CFAP47: variants seen among roughly 807,000 people sequenced by gnomAD.
CFAP47 encodes cilia and flagella associated protein 47.
In CFAP47, 29 loss-of-function variants were observed where a neutral mutation model predicts 148.1. The observed-to-expected ratio is 0.20, with a 90% CI of 0.15 to 0.27. The LOEUF (loss-of-function observed/expected upper bound fraction) is 0.27, where lower values mean the gene tolerates loss of function less well. Among genes scored for constraint, CFAP47 ranks in the 10% least tolerant of loss-of-function variants. The pLI is 1.00. For synonymous variants in CFAP47, 664 were observed against 577.3 expected (o/e 1.15, Z -2.15); for missense variants, 1,872 against 1,697.5 (o/e 1.10, Z -1.81).
chrX:36,104,726 G>T (rs774324869), intron 33 of CFAP47, 35 bp downstream of exon 33: 6 of 502,950 alleles, frequency 1.2e-5, no homozygotes, highest in Non-Finnish European at 2.0e-5. Context: ...ACAAATTATT[G>T]CAAATTGTAG....
chrX:36,355,982 T>A (rs1941782469), intron 60 of CFAP47, among the ~76,000 whole-genome samples: 1 of 111,715 alleles, frequency 9.0e-6, no homozygotes, highest in Non-Finnish European at 1.9e-5. Flanking sequence ...CTAAAGAAAT[T>A]GCAATTCTGA....
intron 40 of CFAP47, among the ~76,000 whole-genome samples, chrX:36,187,238 A>G (rs1275462541): frequency 1.8e-5 from 2 of 112,152 alleles, no homozygotes; most frequent in African/African-American, 6.5e-5. Flanking sequence ...TTAAACAGTC[A>G]ATGAATTGTT....
At chrX:36,144,303 G>A (rs752459605) in intron 35 of CFAP47, among the ~76,000 whole-genome samples, 1 of 111,332 alleles carries the variant, frequency 9.0e-6, no homozygotes, top group South Asian at 3.8e-4. Flanking sequence ...CTAGATCAGT[G>A]TTCTACTTAG....
At chrX:35,924,594 C>G (rs186367247) in intron 1 of CFAP47, among the ~76,000 whole-genome samples, 1 of 106,608 alleles carries the variant, frequency 9.4e-6, no homozygotes, top group African/African-American at 3.4e-5. Context: ...TATATACACA[C>G]GTGCATGTGG....
intron 2 of CFAP47, among the ~76,000 whole-genome samples, chrX:35,939,569 T>G (rs1411017784): frequency 1.2e-4 from 11 of 90,807 alleles, no homozygotes; most frequent in African/African-American, 4.4e-4. Context: ...CTTGCGATAG[T>G]TTACTGAGAA....
chrX:36,225,992 C>T (rs1459856833), intron 45 of CFAP47, among the ~76,000 whole-genome samples: 1 of 111,922 alleles, frequency 8.9e-6, no homozygotes, highest in Non-Finnish European at 1.9e-5. Flanking sequence ...AATTGGGACT[C>T]AGTCCCACTG....
intron 3 of CFAP47, 67 bp from the exon 4 acceptor site, chrX:35,948,247 C>T (rs1249300045): frequency 2.0e-6 from 2 of 998,928 alleles, no homozygotes; most frequent in African/African-American, 3.8e-5. Context: ...TGTTGGTCCC[C>T]TACTGAGAGT....
Position 36,063,044 on chromosome X carries a change from C to A in CFAP47, c.4218-2599C>A, listed in dbSNP as rs181462246. Among the ~76,000 whole-genome samples the A allele has an allele frequency of 4.1e-3, 459 of 111,628 alleles. 3 individuals carry two copies. The highest frequency in any genetic ancestry group is 0.013 in the African/African-American group (397 of 30,798). On this transcript the variant is annotated intron_variant, in intron 26 of 63. Transcript: ENST00000378653. Reference sequence around the variant, plus strand: ...ATCGTATCTTTGACCCTCTTATTGCCAGGAATATTCATTCTGATTTTTACC... The same window carrying A: ...ATCGTATCTTTGACCCTCTTATTGCAAGGAATATTCATTCTGATTTTTACC...
intron 48 of CFAP47, among the ~76,000 whole-genome samples, chrX:36,239,904 A>G (rs1442038049): frequency 1.8e-5 from 2 of 111,972 alleles, no homozygotes; most frequent in Non-Finnish European, 3.8e-5. Context: ...CTTAAAGTAT[A>G]CAACAACACA....
At chrX:35,949,871 G>A (rs913608632) in intron 4 of CFAP47, among the ~76,000 whole-genome samples, 6 of 111,813 alleles carry the variant, frequency 5.4e-5, no homozygotes, top group African/African-American at 2.0e-4. Context: ...CAAAAAGTTT[G>A]GGATTTTGGA....
At chrX:35,997,569 A>C (rs945815193) in intron 19 of CFAP47, among the ~76,000 whole-genome samples, 180 bp downstream of exon 19, 1 of 111,706 alleles carries the variant, frequency 9.0e-6, no homozygotes, top group Admixed American at 9.5e-5. Flanking sequence ...GTAAGTGTTG[A>C]AACAGAATAT....
chrX:35,998,067 A>G (rs1340000314), intron 19 of CFAP47, among the ~76,000 whole-genome samples: 1 of 111,312 alleles, frequency 9.0e-6, no homozygotes. Context: ...GAGTGTGTTT[A>G]ACTTCACAAG....
At chrX:36,069,263 A>G (rs1014716441) in intron 27 of CFAP47, among the ~76,000 whole-genome samples, 1 of 111,454 alleles carries the variant, frequency 9.0e-6, no homozygotes, top group African/African-American at 3.3e-5. Context: ...GAGGACCCAT[A>G]GACTGCAAAT....
chrX:36,098,979 G>A, intron 31 of CFAP47, 105 bp downstream of exon 31: 1 of 341,569 alleles, frequency 2.9e-6, no homozygotes, highest in Non-Finnish European at 5.1e-6. Context: ...AGTTTTATAT[G>A]CAAAATATTA....
In CFAP47 at chrX:36,002,049, A is replaced by G. The variant is rs769272777; in HGVS notation, c.3417+342A>G. 3.6e-5 allele frequency among the ~76,000 whole-genome samples: 4 copies of G among 111,807 alleles called. No homozygotes were observed. The South Asian group carries it at 1.5e-3, about 42-fold the overall frequency. On this transcript the variant is annotated intron_variant, in intron 21 of 63. Transcript: ENST00000378653. ...TATTTGAGTGGTGTATGCTCTGTGA[A>G]CCACTACCTGAAATTGTCAAAGACA...
At chrX:35,925,653 GTTAT>G (rs1051949739) in intron 1 of CFAP47, among the ~76,000 whole-genome samples, 9 of 111,769 alleles carry the variant, frequency 8.1e-5, no homozygotes, top group East Asian at 2.8e-4. Flanking sequence ...AGTTGCTAAC[GTTAT>G]TTATTTATTT....
intron 39 of CFAP47, among the ~76,000 whole-genome samples, chrX:36,177,143 G>A (rs897176526): frequency 5.4e-5 from 6 of 111,663 alleles, no homozygotes; most frequent in African/African-American, 1.9e-4. Context: ...CTTTTAACAG[G>A]TAGTTCATAT....
intron 2 of CFAP47, among the ~76,000 whole-genome samples, chrX:35,938,028 C>G (rs1481872673): frequency 9.0e-6 from 1 of 111,156 alleles, no homozygotes; most frequent in Non-Finnish European, 1.9e-5. Flanking sequence ...TTAAAAATAT[C>G]TACGATTTTC....
intron 22 of CFAP47, among the ~76,000 whole-genome samples, chrX:36,030,423 G>T (rs1357561043): frequency 9.0e-6 from 1 of 110,701 alleles, no homozygotes; most frequent in Non-Finnish European, 1.9e-5. Flanking sequence ...AATATTACAT[G>T]TGCCACTTTT....
Sources: gnomAD v4.1 joint callset for allele counts (sites outside exome capture counted in the v4.1 genomes callset) on GRCh38, gnomAD v4.1.1 for gene constraint, MANE v1.5 for transcripts, NCBI Gene and HGNC (gene_info 2026-07-23, HGNC 2026-07-21) for gene names.